The following ECHDC1 variants were observed in gnomAD, a reference collection of about 807,000 sequenced individuals.
The protein encoded by ECHDC1 is ethylmalonyl-CoA decarboxylase 1, also known as ethylmalonyl-CoA decarboxylase.
A neutral mutation model predicts 29.7 loss-of-function variants in ECHDC1; 29 were observed. That is an observed-to-expected ratio of 0.98 (90% CI 0.73 to 1.33). The LOEUF (loss-of-function observed/expected upper bound fraction) is 1.33, where lower values mean the gene tolerates loss of function less well. ECHDC1 is among the 40% of genes most tolerant of loss of function. ECHDC1 has a pLI of 0.00. For missense variants in ECHDC1, 328 were observed against 350.0 expected, an observed-to-expected ratio of 0.94 and a Z score of 0.50; for synonymous variants, 126 against 123.1, an observed-to-expected ratio of 1.02 and a Z score of -0.15.
At position 127,331,931 on chromosome 6, in the gene ECHDC1, C is replaced by T. The variant is rs1433015499; in HGVS notation, c.-2-901G>A. On this transcript the variant is annotated intron_variant, in intron 1 of 5. Transcript: ENST00000454859. ...GTTTTTCTGTTCCCCAAGGTTCTGT[C>T]ACTTTTCTCCTCTTAATTTTTACCT... The T allele has an allele frequency of 3.1e-6, 3 of 955,200 alleles. No individual in the cohort carries two copies. In the African/African-American group the frequency reaches 5.3e-5, roughly 17 times the overall value. 59.2% of individuals were successfully genotyped at this position (955,200 alleles called of 1,614,324 possible). A position where few individuals can be genotyped will look rare whatever the true frequency, so the allele number is the denominator to read the frequency against.
chr6:127,322,201 G>T (rs1213508184), intron 3 of ECHDC1, among the ~76,000 whole-genome samples: 1 of 152,128 alleles, frequency 6.6e-6, no homozygotes, highest in Non-Finnish European at 1.5e-5. Flanking sequence ...AGCTACTTAG[G>T]AGGCTGAAGC....
intron 1 of ECHDC1, among the ~76,000 whole-genome samples, chr6:127,337,534 T>C (rs1436228875): frequency 5.3e-5 from 8 of 152,228 alleles, no homozygotes; most frequent in African/African-American, 1.9e-4. Flanking sequence ...AACCAATGTA[T>C]TTCTTAAATG....
At chr6:127,341,827 A>G (rs1429693597) in intron 1 of ECHDC1, among the ~76,000 whole-genome samples, 4 of 152,362 alleles carry the variant, frequency 2.6e-5, no homozygotes, top group African/African-American at 9.6e-5. Flanking sequence ...TCATACTTAA[A>G]AAGAAAACAA....
intron 3 of ECHDC1, among the ~76,000 whole-genome samples, chr6:127,323,774 CCTTT>C (rs889742596): frequency 2.0e-5 from 3 of 151,990 alleles, no homozygotes; most frequent in African/African-American, 7.2e-5. Flanking sequence ...TACTTTTTTC[CCTTT>C]CTAATTTCAT....
rs543057245 is a variant in ECHDC1 at position 127,324,236 on chromosome 6, A to G, written c.363+2766T>C. Among the ~76,000 whole-genome samples the G allele has an allele frequency of 6.0e-4, 92 of 152,312 alleles. 1 individual carries two copies. Among genetic ancestry groups the G allele is most frequent in the Middle Eastern group, 3.4e-3 (1 of 294 alleles). On this transcript the variant is annotated intron_variant, in intron 3 of 5. Coordinates refer to ENST00000454859, the MANE Select transcript of ECHDC1 (RefSeq NM_001002030.2). Reference sequence around the variant, plus strand: ...AAAGTGATGATATTGAATTTGATCTATCATCTTAATATTACTAATTTATAT... The same window carrying G: ...AAAGTGATGATATTGAATTTGATCTGTCATCTTAATATTACTAATTTATAT...
intron 4 of ECHDC1, chr6:127,316,146 C>T (rs1782352675): frequency 4.3e-6 from 2 of 469,810 alleles, no homozygotes; most frequent in Admixed American, 2.6e-5. Flanking sequence ...TTATTCTGCT[C>T]TAATACCAGT....
intron 4 of ECHDC1, 41 bp from the exon 5 acceptor site, chr6:127,314,937 T>C: frequency 1.9e-6 from 3 of 1,540,922 alleles, no homozygotes; most frequent in Non-Finnish European, 1.8e-6. Context: ...ATTTTTAATT[T>C]CAATATTCAT....
intron 1 of ECHDC1, chr6:127,341,677 C>T (rs974215478): frequency 2.0e-5 from 3 of 152,092 alleles, no homozygotes; most frequent in African/African-American, 7.2e-5. Context: ...GATCAAAGGT[C>T]GCACTTCCCA....
At chr6:127,329,324 C>T (rs181909195) in intron 2 of ECHDC1, among the ~76,000 whole-genome samples, 2 of 152,082 alleles carry the variant, frequency 1.3e-5, no homozygotes, top group South Asian at 4.2e-4. Flanking sequence ...CACCAAATAC[C>T]ATTACCCAAA....
intron 1 of ECHDC1, among the ~76,000 whole-genome samples, chr6:127,333,847 ACTT>A (rs949141759): frequency 5.9e-5 from 9 of 152,188 alleles, no homozygotes; most frequent in Middle Eastern, 3.4e-3. Flanking sequence ...CACAAGTATC[ACTT>A]CTTCTTTGTT....
intron 5 of ECHDC1, among the ~76,000 whole-genome samples, chr6:127,310,547 A>G (rs149591747): frequency 6.6e-6 from 1 of 152,300 alleles, no homozygotes; most frequent in South Asian, 2.1e-4. Flanking sequence ...GATGTAACCA[A>G]ATTGCTACAA....
At chr6:127,317,136 G>A (rs141077915) in intron 3 of ECHDC1, among the ~76,000 whole-genome samples, 4 of 151,930 alleles carry the variant, frequency 2.6e-5, no homozygotes, top group African/African-American at 7.2e-5. Flanking sequence ...TCCATAACAC[G>A]TAGTATCTTT....
chr6:127,340,148 T>C (rs907572797), intron 1 of ECHDC1, among the ~76,000 whole-genome samples: 8 of 152,238 alleles, frequency 5.3e-5, no homozygotes, highest in Non-Finnish European at 1.0e-4. Context: ...ATATAATACA[T>C]ATCGTATAAG....
chr6:127,340,155 T>C (rs1466955095), intron 1 of ECHDC1, among the ~76,000 whole-genome samples: 4 of 152,246 alleles, frequency 2.6e-5, no homozygotes, highest in South Asian at 4.1e-4. Flanking sequence ...ACATATCGTA[T>C]AAGGGTCTAG....
At chr6:127,339,943 C>T (rs1459541339) in intron 1 of ECHDC1, among the ~76,000 whole-genome samples, 6 of 152,114 alleles carry the variant, frequency 3.9e-5, no homozygotes, top group East Asian at 1.9e-4. Context: ...AGAGCCACAC[C>T]TTCTCCATCA....
chr6:127,313,505 A>G (rs180732188), intron 5 of ECHDC1: 1 of 443,172 alleles, frequency 2.3e-6, no homozygotes, highest in Non-Finnish European at 4.6e-6. Context: ...GCCAGGCTTA[A>G]AAGTTTTTAA....
At chr6:127,305,879 G>T (rs1410192652) in intron 5 of ECHDC1, among the ~76,000 whole-genome samples, 1 of 151,720 alleles carries the variant, frequency 6.6e-6, no homozygotes, top group Non-Finnish European at 1.5e-5. Flanking sequence ...AAAGGAAGAA[G>T]AAAAGAAAGA....
At chr6:127,301,578 G>A (rs138034198) in intron 5 of ECHDC1, among the ~76,000 whole-genome samples, 5 of 152,252 alleles carry the variant, frequency 3.3e-5, no homozygotes, top group African/African-American at 7.2e-5. Context: ...ATAAAATTAA[G>A]TGGAAAAAAT....
At chr6:127,309,518 C>T (rs1301980497) in intron 5 of ECHDC1, among the ~76,000 whole-genome samples, 3 of 59,008 alleles carry the variant, frequency 5.1e-5, no homozygotes, top group Non-Finnish European at 1.1e-4. Context: ...CACACACACA[C>T]ACACACACAC....
Sources: allele counts gnomAD v4.1 joint callset (sites outside exome capture counted in the v4.1 genomes callset), GRCh38; gene constraint gnomAD v4.1.1; transcripts MANE v1.5; gene names NCBI Gene and HGNC (gene_info 2026-07-23, HGNC 2026-07-21).